PCDHA1: variants seen among roughly 807,000 people sequenced by gnomAD.
The protein encoded by PCDHA1 is protocadherin alpha-1.
In PCDHA1, 42 loss-of-function variants were observed where a neutral mutation model predicts 61.3. The observed-to-expected ratio is 0.69, with a 90% CI of 0.54 to 0.89. The LOEUF (loss-of-function observed/expected upper bound fraction) is 0.89, where lower values mean the gene tolerates loss of function less well. Among genes scored for constraint, PCDHA1 ranks in the 40% least tolerant of loss-of-function variants. The pLI is 0.00. For synonymous variants in PCDHA1, 610 were observed against 553.8 expected, an observed-to-expected ratio of 1.10 and a Z score of -1.43; for missense variants, 1,256 against 1,235.3, an observed-to-expected ratio of 1.02 and a Z score of -0.25.
At position 140,848,871 on chromosome 5, in the gene PCDHA1, A is replaced by G. The variant is rs2040646232; in HGVS notation, c.2394+60187A>G. The G allele has an allele frequency of 4.4e-6, 7 of 1,590,744 alleles. 1 individual carries two copies. The African/African-American group carries it at 6.8e-5, about 15-fold the overall frequency. On this transcript the variant is annotated intron_variant, in intron 1 of 3. Coordinates refer to ENST00000504120, the MANE Select transcript of PCDHA1 (RefSeq NM_018900.4). ...CCATGTGGACGTGGAGGTGAAGGAC[A>G]TTAACGACAACCCTCCAGTGTTCCC...
At position 140,982,581 on chromosome 5, in the gene PCDHA1, C is replaced by CT. The variant is rs782248594; in HGVS notation, c.2542+19dup. 2.4e-5 allele frequency: 38 copies of CT among 1,612,216 alleles called. No homozygotes were observed. The Middle Eastern group carries it at 5.0e-4, about 21-fold the overall frequency. ...AACACCAGGTAAAGAGCTGGGGTCT[C>CT]TCCATTCTTTCTTGGTTTCTGGAAA... On this transcript the variant is annotated intron_variant, in intron 3 of 3. Transcript: ENST00000504120.
At chr5:140,866,395 T>A (rs1483002508) in intron 1 of PCDHA1, 1 of 152,120 alleles carries the variant, frequency 6.6e-6, no homozygotes, top group Non-Finnish European at 1.5e-5. Context: ...AGACATAGAT[T>A]CCCATGAAAA....
chr5:140,849,612 A>C lies in PCDHA1; in HGVS notation c.2394+60928A>C, dbSNP rs2040992184. On this transcript the variant is annotated intron_variant, in intron 1 of 3. Transcript: ENST00000504120. ...ACTGGGGACAGTTATTGCCCTGATT[A>C]GTGTGATCGACCTAGACGCAGATGC... 5 of 1,598,736 alleles carry C rather than the reference A, an allele frequency of 3.1e-6. 2 individuals are homozygous for C. The highest frequency in any genetic ancestry group is 4.3e-6 in the Non-Finnish European group (5 of 1,167,986).
chr5:140,955,215 C>A (rs1313314138), intron 1 of PCDHA1, among the ~76,000 whole-genome samples: 1 of 152,148 alleles, frequency 6.6e-6, no homozygotes, highest in Non-Finnish European at 1.5e-5. Flanking sequence ...TAGCATGATG[C>A]CTCCAGCTTT....
chr5:140,868,603 T>C (rs1554162122), intron 1 of PCDHA1: 2 of 153,246 alleles, frequency 1.3e-5, no homozygotes, highest in Non-Finnish European at 2.9e-5. Flanking sequence ...TAGTTTTTCA[T>C]GAGGCCACCT....
chr5:140,803,044 G>A, intron 1 of PCDHA1: 2 of 1,614,028 alleles, frequency 1.2e-6, no homozygotes, highest in Non-Finnish European at 1.7e-6. Context: ...CCTGGGACCG[G>A]CGGTGCGCGC....
intron 1 of PCDHA1, among the ~76,000 whole-genome samples, chr5:140,880,163 AGAAGTTAAACAT>A (rs2058253523): frequency 6.6e-6 from 1 of 152,260 alleles, no homozygotes; most frequent in Admixed American, 6.5e-5. Flanking sequence ...AGTATATGTT[AGAAGTTAAACAT>A]GAAGGGAAAA....
rs782778779 is a variant in PCDHA1, at chr5:140,858,081, C to T, written c.2394+69397C>T. ...GAGGGCAGCCAGGCACCCAAGGCCT[C>T]GTCGCGGGCTTCAGTGGGCGTGGCG... On this transcript the variant is annotated intron_variant, in intron 1 of 3. Transcript: ENST00000504120. The T allele has an allele frequency of 6.9e-6, 11 of 1,597,646 alleles. 3 individuals are homozygous for T. The highest frequency in any genetic ancestry group is 1.7e-5 in the Admixed American group (1 of 59,270).
chr5:140,928,217 C>T, intron 1 of PCDHA1: 2 of 1,614,212 alleles, frequency 1.2e-6, no homozygotes, highest in Non-Finnish European at 1.7e-6. Flanking sequence ...AATGACAATA[C>T]ACCAAACTTT....
rs1762990627 is a variant in PCDHA1, at chr5:140,802,666, T to G, written c.2394+13982T>G. 3.1e-6 allele frequency: 5 copies of G among 1,613,472 alleles called. No individual in the cohort carries two copies. The East Asian group carries it at 1.1e-4, about 36-fold the overall frequency. On this transcript the variant is annotated intron_variant, in intron 1 of 3. Transcript: ENST00000504120. ...GCGGACGCGCAGGAGAACGCCCTGGTGTCCTACTCGCTGGTGGAACGGCGG... is the reference window on the plus strand; with the variant it reads ...GCGGACGCGCAGGAGAACGCCCTGGGGTCCTACTCGCTGGTGGAACGGCGG...
rs1437850359 is a variant in PCDHA1, at chr5:140,822,152, A to G, written c.2394+33468A>G. The G allele has an allele frequency of 1.7e-5, 27 of 1,614,268 alleles. 1 individual carries two copies. Among genetic ancestry groups the G allele is most frequent in the Admixed American group, 3.3e-5 (2 of 60,028 alleles). ...GTGGAGGTGGCAGTGAAGGACATCA[A>G]TGACAATCCGCCCAGGTTCTCCAGA... On this transcript the variant is annotated intron_variant, in intron 1 of 3. Coordinates refer to ENST00000504120, the MANE Select transcript of PCDHA1 (RefSeq NM_018900.4).
chr5:140,979,306 C>T (rs1554240481), intron 2 of PCDHA1, among the ~76,000 whole-genome samples: 1 of 152,206 alleles, frequency 6.6e-6, no homozygotes, highest in African/African-American at 2.4e-5. Context: ...CTTCATCCCT[C>T]TCTACCTATG....
chr5:140,875,834 T>C (rs1562703586), intron 1 of PCDHA1: 2 of 1,613,958 alleles, frequency 1.2e-6, no homozygotes, highest in Non-Finnish European at 1.7e-6. Context: ...CATGTGGACG[T>C]GGAGGTGAAG....
intron 1 of PCDHA1, among the ~76,000 whole-genome samples, chr5:140,797,825 T>C (rs1249135822): frequency 2.6e-5 from 4 of 152,036 alleles, no homozygotes; most frequent in Non-Finnish European, 4.4e-5. Context: ...CCCTTGTCTA[T>C]GCAATAGTTA....
chr5:140,861,591 A>G, intron 1 of PCDHA1: 1 of 374,610 alleles, frequency 2.7e-6, no homozygotes, highest in South Asian at 2.5e-5. Context: ...TGTGGAGGTG[A>G]AAGTGAAGAA....
intron 3 of PCDHA1, among the ~76,000 whole-genome samples, chr5:140,992,102 G>A (rs1205417295): frequency 6.6e-6 from 1 of 150,914 alleles, no homozygotes; most frequent in Non-Finnish European, 1.5e-5. Context: ...AGAGAATTAA[G>A]GTGAGATGTG....
Position 140,786,615 on chromosome 5 carries a change from A to G in PCDHA1, c.325A>G (p.Ile109Val), listed in dbSNP as rs1761321457. Residue 109 changes from isoleucine (I) to valine (V), a missense_variant, in exon 1 of 4, where the codon ATC becomes GTC. Coordinates refer to ENST00000504120, the MANE Select transcript of PCDHA1 (RefSeq NM_018900.4). ...GGAGTGCAGCATCCACCTGGAGTTG[A>G]TCGCCGACAGGCCGCTGCAGGTTTT... ...SAECSIHLEL[I>V]ADRPLQVFHV... is the part of the protein sequence containing the mutation. 1.2e-6 allele frequency: 2 copies of G among 1,614,258 alleles called. No individual in the cohort carries two copies. The highest frequency in any genetic ancestry group is 4.5e-5 in the East Asian group (2 of 44,892).
At chr5:140,842,326 C>T (rs1406099374) in intron 1 of PCDHA1, 4 of 1,606,084 alleles carry the variant, frequency 2.5e-6, no homozygotes, top group African/African-American at 1.3e-5. Flanking sequence ...GTCATTGCAC[C>T]GTTTTAGTGA....
intron 1 of PCDHA1, chr5:140,967,461 G>A (rs782466677): frequency 6.8e-6 from 11 of 1,613,572 alleles, no homozygotes; most frequent in Non-Finnish European, 8.5e-6. Context: ...GCCGTGGATG[G>A]GGGCATCCCA....
Sources: allele counts gnomAD v4.1 joint callset (sites outside exome capture counted in the v4.1 genomes callset), GRCh38; gene constraint gnomAD v4.1.1; transcripts MANE v1.5; gene names NCBI Gene and HGNC (gene_info 2026-07-23, HGNC 2026-07-21).